The following FRMPD1 variants were observed in gnomAD, a reference collection of about 807,000 sequenced individuals.
FRMPD1 encodes the protein FERM and PDZ domain containing 1.
Under a neutral mutation model 117.8 loss-of-function variants are expected in FRMPD1, and 76 were observed. The ratio of observed to expected loss-of-function variants is 0.65; its 90% CI spans 0.54 to 0.78. The LOEUF (loss-of-function observed/expected upper bound fraction) is 0.78. Among genes scored for constraint, FRMPD1 ranks in the 30% least tolerant of loss-of-function variants. The pLI is 0.00. For missense variants in FRMPD1, 1,786 were observed against 1,964.5 expected, an observed-to-expected ratio of 0.91 and a Z score of 1.72; for synonymous variants, 783 against 770.4, an observed-to-expected ratio of 1.02 and a Z score of -0.27.
chr9:37,632,307 C>T, the FRMPD1 span, among the ~76,000 whole-genome samples: 1 of 152,152 alleles, frequency 6.6e-6, no homozygotes, highest in African/African-American at 2.4e-5. Flanking sequence ...GTTAACAAAT[C>T]ACTGGGCCTA....
intron 1 of FRMPD1, among the ~76,000 whole-genome samples, chr9:37,672,530 A>G (rs963264603): frequency 2.0e-5 from 3 of 152,120 alleles, no homozygotes; most frequent in African/African-American, 4.8e-5. Context: ...TCTCACAACA[A>G]CCTTATGAGG....
intron 1 of FRMPD1, among the ~76,000 whole-genome samples, chr9:37,672,975 A>C (rs1821405814): frequency 6.6e-6 from 1 of 152,128 alleles, no homozygotes; most frequent in Non-Finnish European, 1.5e-5. Context: ...ACACAGCCAA[A>C]CCATATCATT....
At chr9:37,681,373 A>G (rs1027888748) in intron 1 of FRMPD1, among the ~76,000 whole-genome samples, 2 of 152,074 alleles carry the variant, frequency 1.3e-5, no homozygotes, top group African/African-American at 4.8e-5. Flanking sequence ...TAGGGAAGAG[A>G]GGTTTGAAAC....
rs138584414 is a variant in FRMPD1, at chr9:37,740,693, G to C, written c.2165G>C (p.Ser722Thr). Reference protein sequence around the residue: ...SVSPASYLSDSSESTASRQGG... With the variant: ...SVSPASYLSDTSESTASRQGG... ...TCCCCGGCCAGCTACCTGAGTGACA[G>C]TTCCGAGAGTACAGCTTCCCGGCAA... The change falls in exon 15 of 16, where the codon AGT (serine) becomes ACT (threonine). Residue 722 changes from serine to threonine, a missense_variant. Ser to Thr is a moderately conservative substitution (Grantham distance 58, BLOSUM62 1). Coordinates refer to ENST00000377765, the MANE Select transcript of FRMPD1 (RefSeq NM_014907.3). This position sits in a 1 kb window ranked among gnomAD's most constrained non-coding sequence, Gnocchi z 4.2. The C allele has an allele frequency of 6.2e-7, 1 of 1,614,164 alleles. No individual in the cohort carries two copies. Among genetic ancestry groups the C allele is most frequent in the Non-Finnish European group, 8.5e-7 (1 of 1,180,016 alleles).
At position 37,714,635 on chromosome 9, in the gene FRMPD1, A is replaced by ATTTTG. The variant is rs1471329914; in HGVS notation, c.408+3244_408+3245insGTTTT. 9.6e-3 allele frequency among the ~76,000 whole-genome samples: 1,250 copies of ATTTTG among 129,898 alleles called. 17 individuals carry two copies. Among genetic ancestry groups the ATTTTG allele is most frequent in the African/African-American group, 0.032 (1,084 of 33,816 alleles). 85.2% of individuals were successfully genotyped at this position (129,898 alleles called of 152,430 possible). On this transcript the variant is annotated intron_variant, in intron 5 of 15. Transcript: ENST00000377765. ...ATTTTATTTTATTTTGTTTTGTTTT[A>ATTTTG]TTTTATTTTATCTTATTTTATTTAT...
intron 1 of FRMPD1, among the ~76,000 whole-genome samples, chr9:37,683,557 G>A (rs1176500463): frequency 6.6e-6 from 1 of 152,228 alleles, no homozygotes; most frequent in Non-Finnish European, 1.5e-5. Context: ...TGCAGGCAGG[G>A]AGTATGGACT....
At position 37,741,055 on chromosome 9, in the gene FRMPD1, C is replaced by T. The variant is rs915767925; in HGVS notation, c.2356+171C>T. On this transcript the variant is annotated intron_variant, in intron 15 of 15. Transcript: ENST00000377765. ...ATGGACCAAATTTTAGGCATCGTGG[C>T]AGGCCTGCAAGGGAGGTTCAGACAA... 10 of 614,956 alleles carry T rather than the reference C, an allele frequency of 1.6e-5. No homozygotes were observed. The South Asian group carries it at 1.7e-4, about 11-fold the overall frequency. The allele number at this position is 614,956 out of a possible 1,614,324, so 38.1% of individuals were successfully genotyped here.
chr9:37,691,391 A>G (rs574847326), intron 1 of FRMPD1, among the ~76,000 whole-genome samples: 1 of 152,242 alleles, frequency 6.6e-6, no homozygotes, highest in Non-Finnish European at 1.5e-5. Flanking sequence ...GGATCATGGT[A>G]CAGAAAAAGC....
At chr9:37,716,245 G>A (rs10758454) in intron 5 of FRMPD1, among the ~76,000 whole-genome samples, 104,717 of 151,542 alleles carry the variant, frequency 0.69, 36,399 homozygotes, top group East Asian at 0.94. Context: ...TTTTCCAAGG[G>A]ATAGCTTCCA....
the FRMPD1 span, among the ~76,000 whole-genome samples, chr9:37,633,712 T>A: frequency 6.6e-6 from 1 of 152,156 alleles, no homozygotes; most frequent in Non-Finnish European, 1.5e-5. Context: ...AACAAAAAAA[T>A]TAGCTGGGCA....
intron 1 of FRMPD1, among the ~76,000 whole-genome samples, chr9:37,651,686 G>C (rs1313216101): frequency 6.6e-6 from 1 of 152,238 alleles, no homozygotes; most frequent in African/African-American, 2.4e-5. Flanking sequence ...TCGGGAAGCA[G>C]GGGATGCCCC....
chr9:37,651,041 C>T lies in FRMPD1; in HGVS notation c.-58C>T, dbSNP rs930617529. The T allele has an allele frequency of 5.9e-5, 9 of 152,230 alleles. No individual in the cohort carries two copies. The East Asian group carries it at 1.5e-3, about 26-fold the overall frequency. 9.4% of individuals were successfully genotyped at this position (152,230 alleles called of 1,614,324 possible). ...GCCGCTGGGCGGGGCCGCCCTTCTC[C>T]GAGAGCGTCAGCCCGCTAGGTCCTT... On this transcript the variant is annotated 5_prime_UTR_variant, in exon 1 of 16. Coordinates refer to ENST00000377765, the MANE Select transcript of FRMPD1 (RefSeq NM_014907.3).
the FRMPD1 span, among the ~76,000 whole-genome samples, chr9:37,638,034 C>CTTTCTTTCTTTCTTTCT: frequency 9.4e-5 from 6 of 63,974 alleles, 1 homozygote; most frequent in African/African-American, 3.7e-4. Context: ...CTCTCTCTTT[C>CTTTCTTTCTTTCTTTCT]TTCCTTTCTT....
At chr9:37,612,752 A>G in the FRMPD1 span, among the ~76,000 whole-genome samples, 4 of 152,186 alleles carry the variant, frequency 2.6e-5, no homozygotes, top group Admixed American at 2.6e-4. Context: ...TTGGCCTCCC[A>G]AAGTGTTGGG....
chr9:37,707,654 T>C, intron 3 of FRMPD1, 81 bp downstream of exon 3: 1 of 1,158,898 alleles, frequency 8.6e-7, no homozygotes, highest in Non-Finnish European at 1.2e-6. Flanking sequence ...CTCTCTATCC[T>C]ATAACAAAAT....
the FRMPD1 span, among the ~76,000 whole-genome samples, chr9:37,638,025 T>TTCCTTCCTTC: frequency 3.3e-5 from 3 of 91,502 alleles, no homozygotes. Flanking sequence ...TCTTTCTTTC[T>TTCCTTCCTTC]CTCTCTTTCT....
At chr9:37,625,917 A>C in the FRMPD1 span, among the ~76,000 whole-genome samples, 69 of 152,350 alleles carry the variant, frequency 4.5e-4, no homozygotes, top group African/African-American at 1.6e-3. Flanking sequence ...TATTACCAGG[A>C]AGCTTGTTAA....
chr9:37,615,556 A>G, the FRMPD1 span, among the ~76,000 whole-genome samples: 1 of 152,154 alleles, frequency 6.6e-6, no homozygotes. Context: ...TCTCTACTCT[A>G]ATACATTATG....
chr9:37,730,580 A>G (rs1465082936), intron 8 of FRMPD1, among the ~76,000 whole-genome samples: 1 of 152,224 alleles, frequency 6.6e-6, no homozygotes, highest in Non-Finnish European at 1.5e-5. Context: ...ATCACATTAA[A>G]TCCCTAAGAT....
Sources: gnomAD v4.1 joint callset for allele counts (sites outside exome capture counted in the v4.1 genomes callset) on GRCh38, gnomAD v4.1.1 for gene constraint, Gnocchi (gnomAD v3.1) non-coding constraint, MANE v1.5 for transcripts, NCBI Gene and HGNC (gene_info 2026-07-23, HGNC 2026-07-21) for gene names.